The following MYOM1 variants were observed in gnomAD, a reference collection of about 807,000 sequenced individuals.
MYOM1 encodes myomesin-1.
In MYOM1, 164 loss-of-function variants were observed where a neutral mutation model predicts 205.3. That is an observed-to-expected ratio of 0.80 (90% CI 0.70 to 0.91). The LOEUF is 0.91. Ranked by LOEUF, MYOM1 falls within the 40% of genes least tolerant of loss-of-function variation. MYOM1 has a pLI of 0.00. For missense variants in MYOM1, 2,011 were observed against 2,127.3 expected (o/e 0.95, Z 1.08); for synonymous variants, 772 against 789.4 (o/e 0.98, Z 0.37).
chr18:3,191,918 A>G (rs9949449), intron 3 of MYOM1, among the ~76,000 whole-genome samples: 6,999 of 152,048 alleles, frequency 0.046, 483 homozygotes, highest in African/African-American at 0.16. Flanking sequence ...GGATGGTCTC[A>G]ATCTCCTGAC....
In MYOM1 at chr18:3,149,194, G is replaced by A. The variant is rs2080181563; in HGVS notation, c.1851C>T (p.Pro617=). ...TGATCTGTCCAGTCCAGGGTGCTGA[G>A]GGGCGACCTGAATAAAGACAAATAT... is the stretch of plus-strand genomic sequence containing the variant. ...PAEKARLKSR[P]SAPWTGQIIV... Residue 617 remains proline, a synonymous_variant, in exon 13 of 38, where the codon CCC becomes CCT. Transcript: ENST00000356443. 2 of 1,612,220 alleles carry A rather than the reference G, an allele frequency of 1.2e-6. No homozygotes were observed. The highest frequency in any genetic ancestry group is 8.5e-7 in the Non-Finnish European group (1 of 1,179,280).
At chr18:3,137,181 C>A (rs2079982954) in intron 14 of MYOM1, among the ~76,000 whole-genome samples, 1 of 151,950 alleles carries the variant, frequency 6.6e-6, no homozygotes, top group South Asian at 2.1e-4. Context: ...GATCTCCTGA[C>A]CTCGTGATCC....
At chr18:3,076,964 G>C (rs2079026903) in intron 34 of MYOM1, among the ~76,000 whole-genome samples, 1 of 151,164 alleles carries the variant, frequency 6.6e-6, no homozygotes, top group Non-Finnish European at 1.5e-5. Context: ...CACCCGCTTT[G>C]GCCTCCCAAA....
intron 5 of MYOM1, among the ~76,000 whole-genome samples, chr18:3,184,726 C>G (rs1293920455): frequency 3.3e-5 from 5 of 152,344 alleles, no homozygotes; most frequent in South Asian, 2.1e-4. Flanking sequence ...TGGTCTGTCC[C>G]TCGTGGGAGA....
chr18:3,195,377 G>C (rs2080981391), intron 2 of MYOM1, among the ~76,000 whole-genome samples: 1 of 152,204 alleles, frequency 6.6e-6, no homozygotes, highest in African/African-American at 2.4e-5. Flanking sequence ...CTGGAAGCCA[G>C]GGTGACATTT....
In MYOM1 at chr18:3,154,990, C is replaced by A. The variant is rs200286140; in HGVS notation, c.1600G>T (p.Ala534Ser). 1 of 1,613,138 alleles carries A rather than the reference C, an allele frequency of 6.2e-7. No individual in the cohort carries two copies. The highest frequency in any genetic ancestry group is 1.1e-5 in the South Asian group (1 of 90,796). The change falls in exon 11 of 38, where the codon GCT becomes TCT. Residue 534 changes from alanine (A) to serine (S), a missense_variant. Coordinates refer to ENST00000356443, the MANE Select transcript of MYOM1 (RefSeq NM_003803.4). ...DYIIISWKQP[A>S]VDGGSPILGY... ...AGAATAGGACTCCCTCCATCGACAGCTGGCTGTTTCCAGGAGATGATGATA... is the reference window on the plus strand; with the variant it reads ...AGAATAGGACTCCCTCCATCGACAGATGGCTGTTTCCAGGAGATGATGATA...
intron 10 of MYOM1, among the ~76,000 whole-genome samples, chr18:3,160,184 C>CT (rs894399623): frequency 4.0e-5 from 6 of 149,014 alleles, no homozygotes; most frequent in Non-Finnish European, 7.4e-5. Context: ...TTCTCTCTCT[C>CT]TTTTTTTTCT....
chr18:3,191,834 T>C (rs940718259), intron 3 of MYOM1, among the ~76,000 whole-genome samples: 29 of 152,026 alleles, frequency 1.9e-4, no homozygotes, highest in Admixed American at 1.8e-3. Flanking sequence ...TAGCTGGGAC[T>C]ACAGGTGCCC....
intron 5 of MYOM1, among the ~76,000 whole-genome samples, chr18:3,176,525 A>G (rs1262435587): frequency 1.3e-5 from 2 of 152,188 alleles, no homozygotes; most frequent in Admixed American, 1.3e-4. Context: ...GGGACGCAAG[A>G]AGGAGGCTTC....
At chr18:3,217,075 C>G (rs976705955) in intron 1 of MYOM1, 1 of 152,500 alleles carries the variant, frequency 6.6e-6, no homozygotes, top group East Asian at 1.9e-4. Context: ...ATCCATGAGC[C>G]GAGAAGAGAC....
intron 2 of MYOM1, among the ~76,000 whole-genome samples, chr18:3,194,326 A>C (rs1045457627): frequency 2.0e-5 from 3 of 152,164 alleles, no homozygotes; most frequent in Admixed American, 6.5e-5. Flanking sequence ...GGTGCATCCA[A>C]ATTCTTTTGG....
Position 3,090,728 on chromosome 18 carries a change from C to T in MYOM1, c.3939G>A (p.Glu1313=). The change falls in exon 27 of 38, where the codon GAG becomes GAA. Residue 1313 remains glutamate, a synonymous_variant. Coordinates refer to ENST00000356443, the MANE Select transcript of MYOM1 (RefSeq NM_003803.4). ...CTTGAAGCTGGAAAGTGTACGTTCC[C>T]TCATCCTCATCCTGTAGCTTTTCCA... is the stretch of plus-strand genomic sequence containing the variant. The part of the protein sequence containing the change: ...MFMEKLQDED[E]GTYTFQLQDG... 2.5e-6 allele frequency: 4 copies of T among 1,613,888 alleles called. No homozygotes were observed. The highest frequency in any genetic ancestry group is 3.4e-6 in the Non-Finnish European group (4 of 1,179,840).
chr18:3,165,249 C>T (rs1026515207), intron 9 of MYOM1, among the ~76,000 whole-genome samples: 3 of 152,190 alleles, frequency 2.0e-5, no homozygotes, highest in African/African-American at 7.2e-5. Flanking sequence ...AAATCAGTTT[C>T]ATGTAAATCT....
chr18:3,110,851 T>C (rs537490606), intron 22 of MYOM1, among the ~76,000 whole-genome samples: 2 of 151,532 alleles, frequency 1.3e-5, no homozygotes, highest in South Asian at 4.2e-4. Context: ...TTCAAAACAG[T>C]CCTCGTATGA....
chr18:3,164,193 T>C lies in MYOM1; in HGVS notation c.1501+85A>G, dbSNP rs2144048116. 24 of 1,387,264 alleles carry C rather than the reference T, an allele frequency of 1.7e-5. 1 individual carries two copies. In the South Asian group the frequency reaches 1.8e-4, roughly 10 times the overall value. 85.9% of individuals were successfully genotyped at this position (1,387,264 alleles called of 1,614,324 possible). ...ATGACTCTTCCATCATTATGAAACA[T>C]GTTTGAACTGTTTTGTAATCAAAAA... On this transcript the variant is annotated intron_variant, in intron 10 of 37. Transcript: ENST00000356443.
intron 10 of MYOM1, among the ~76,000 whole-genome samples, chr18:3,158,094 A>T (rs950230398): frequency 3.9e-5 from 6 of 152,228 alleles, no homozygotes; most frequent in African/African-American, 9.6e-5. Flanking sequence ...ATCAAAAAAT[A>T]TGTTAAAATC....
At position 3,067,119 on chromosome 18, in the gene MYOM1, T is replaced by C. The variant is rs1233509171; in HGVS notation, c.*143A>G. 1.1e-6 allele frequency: 1 copy of C among 902,812 alleles called. No individual in the cohort carries two copies. Among genetic ancestry groups the C allele is most frequent in the Non-Finnish European group, 1.6e-6 (1 of 612,184 alleles). The allele number at this position is 902,812 out of a possible 1,614,324, so 55.9% of individuals were successfully genotyped here. A position where few individuals can be genotyped will look rare whatever the true frequency, so the allele number is the denominator to read the frequency against. On this transcript the variant is annotated 3_prime_UTR_variant, in exon 38 of 38. Transcript: ENST00000356443. Reference sequence around the variant, plus strand: ...TTAAAGTGTCATTAGTTGGTGCTTTTTTATATGAGTGAAAGACCTGACATT... The same window carrying C: ...TTAAAGTGTCATTAGTTGGTGCTTTCTTATATGAGTGAAAGACCTGACATT...
intron 4 of MYOM1, among the ~76,000 whole-genome samples, chr18:3,188,461 A>AAAAAAAAAC (rs564275878): frequency 0.079 from 11,951 of 150,462 alleles, 676 homozygotes; most frequent in African/African-American, 0.16. Flanking sequence ...TACCAGAAAA[A>AAAAAAAAAC]AAAAAACAAC....
At chr18:3,084,215 T>C (rs2079123408) in intron 31 of MYOM1, among the ~76,000 whole-genome samples, 188 bp from the exon 32 acceptor site, 1 of 152,186 alleles carries the variant, frequency 6.6e-6, no homozygotes, top group South Asian at 2.1e-4. Flanking sequence ...TTTTAAAAGA[T>C]CCCTGCTTAT....
Sources: allele counts gnomAD v4.1 joint callset (sites outside exome capture counted in the v4.1 genomes callset), GRCh38; gene constraint gnomAD v4.1.1; transcripts MANE v1.5; gene names NCBI Gene and HGNC (gene_info 2026-07-23, HGNC 2026-07-21).